PPFIA2: variants seen among roughly 807,000 people sequenced by gnomAD.
PPFIA2 encodes liprin-alpha-2.
A neutral mutation model predicts 175.5 loss-of-function variants in PPFIA2; 46 were observed. The observed-to-expected ratio is 0.26, with a 90% CI of 0.21 to 0.34. PPFIA2 has a LOEUF of 0.34. PPFIA2 is among the 10% of genes least tolerant of loss of function. The pLI, the probability that PPFIA2 is intolerant of heterozygous loss-of-function variation, is 1.00. For missense variants in PPFIA2, 1,179 were observed against 1,506.1 expected, an observed-to-expected ratio of 0.78 and a Z score of 3.60; for synonymous variants, 568 against 511.4, an observed-to-expected ratio of 1.11 and a Z score of -1.49.
At chr12:81,699,256 G>C (rs2076232109) in intron 3 of PPFIA2, among the ~76,000 whole-genome samples, 1 of 151,870 alleles carries the variant, frequency 6.6e-6, no homozygotes. Context: ...GTTTCTATAG[G>C]GGTTTAAAAG....
intron 4 of PPFIA2, among the ~76,000 whole-genome samples, chr12:81,610,312 A>G (rs1246249819): frequency 6.6e-6 from 1 of 152,194 alleles, no homozygotes. Context: ...GAGAATTTTC[A>G]TGGACTACAT....
intron 8 of PPFIA2, 81 bp downstream of exon 8, chr12:81,405,706 C>A (rs775137092): frequency 2.5e-5 from 20 of 793,226 alleles, no homozygotes; most frequent in South Asian, 3.9e-5. Context: ...AAAAAATGTT[C>A]ATTATGTGGT....
At chr12:81,671,679 C>T (rs979092063) in intron 4 of PPFIA2, among the ~76,000 whole-genome samples, 3 of 151,870 alleles carry the variant, frequency 2.0e-5, no homozygotes, top group African/African-American at 7.2e-5. Flanking sequence ...TATTCTTGCC[C>T]AGGCTTAACT....
intron 24 of PPFIA2, among the ~76,000 whole-genome samples, chr12:81,286,575 T>A (rs2043476323): frequency 6.6e-6 from 1 of 152,022 alleles, no homozygotes; most frequent in African/African-American, 2.4e-5. Context: ...TGTGCAGTAG[T>A]CTATACCATT....
At chr12:81,650,972 C>T (rs1567720551) in intron 4 of PPFIA2, among the ~76,000 whole-genome samples, 1 of 152,168 alleles carries the variant, frequency 6.6e-6, no homozygotes, top group Non-Finnish European at 1.5e-5. Context: ...AATTAGGTCA[C>T]TGGATTCAAT....
chr12:81,369,681 C>A (rs1046055326), intron 11 of PPFIA2, among the ~76,000 whole-genome samples: 4 of 151,616 alleles, frequency 2.6e-5, no homozygotes, highest in Non-Finnish European at 4.4e-5. Flanking sequence ...TGATAATCAT[C>A]AGATGAGGTA....
intron 30 of PPFIA2, among the ~76,000 whole-genome samples, chr12:81,265,868 G>C (rs889694011): frequency 1.3e-5 from 2 of 152,112 alleles, no homozygotes; most frequent in Non-Finnish European, 2.9e-5. Flanking sequence ...TGTATTTTAA[G>C]ATGTATGAGT....
intron 17 of PPFIA2, 111 bp from the exon 18 acceptor site, chr12:81,347,881 A>T: frequency 7.1e-7 from 1 of 1,400,626 alleles, no homozygotes; most frequent in South Asian, 1.5e-5. Flanking sequence ...ACTATTCTTG[A>T]ACATTTTACA....
intron 4 of PPFIA2, among the ~76,000 whole-genome samples, chr12:81,664,517 C>A (rs2069689742): frequency 6.6e-6 from 1 of 151,998 alleles, no homozygotes; most frequent in Non-Finnish European, 1.5e-5. Context: ...GAATGGTGAT[C>A]ATTAAAAAGT....
chr12:81,491,176 A>G (rs1295135300), intron 4 of PPFIA2, among the ~76,000 whole-genome samples: 1 of 149,874 alleles, frequency 6.7e-6, no homozygotes, highest in Non-Finnish European at 1.5e-5. Context: ...ATGTTTTAAG[A>G]CAGTTACCTT....
intron 4 of PPFIA2, among the ~76,000 whole-genome samples, chr12:81,652,744 G>T (rs767160800): frequency 6.6e-6 from 1 of 151,776 alleles, no homozygotes; most frequent in East Asian, 1.9e-4. Flanking sequence ...CTTTGTAGAT[G>T]GTCTCACTAT....
intron 4 of PPFIA2, among the ~76,000 whole-genome samples, chr12:81,576,841 A>G (rs1410244613): frequency 6.6e-6 from 1 of 151,470 alleles, no homozygotes; most frequent in Non-Finnish European, 1.5e-5. Context: ...TATTCCCTGT[A>G]TTTTTTTTGG....
intron 7 of PPFIA2, among the ~76,000 whole-genome samples, chr12:81,432,616 C>A (rs2048295930): frequency 6.6e-6 from 1 of 152,058 alleles, no homozygotes; most frequent in East Asian, 1.9e-4. Context: ...CAGGCACGCA[C>A]CACCATGCCC....
intron 3 of PPFIA2, among the ~76,000 whole-genome samples, chr12:81,710,277 C>T (rs2077717289): frequency 6.8e-6 from 1 of 147,514 alleles, no homozygotes. Context: ...CACCTTCCAC[C>T]CAAGACTATG....
chr12:81,476,051 A>T (rs1174650676), intron 4 of PPFIA2, among the ~76,000 whole-genome samples: 2 of 152,168 alleles, frequency 1.3e-5, no homozygotes, highest in Non-Finnish European at 2.9e-5. Context: ...TGTTGATGAT[A>T]AGTTTCTTCT....
intron 20 of PPFIA2, among the ~76,000 whole-genome samples, chr12:81,339,918 T>G (rs1247188948): frequency 2.0e-5 from 3 of 152,228 alleles, no homozygotes; most frequent in Non-Finnish European, 4.4e-5. Context: ...ATTAGAGTAC[T>G]CAAATATTAT....
chr12:81,425,654 G>A (rs779526259), intron 7 of PPFIA2, among the ~76,000 whole-genome samples: 5 of 152,158 alleles, frequency 3.3e-5, no homozygotes, highest in Non-Finnish European at 7.3e-5. Context: ...GATTACGGGC[G>A]TGAGCCACTG....
At chr12:81,609,750 TG>T (rs1390896146) in intron 4 of PPFIA2, among the ~76,000 whole-genome samples, 2 of 152,190 alleles carry the variant, frequency 1.3e-5, no homozygotes, top group Non-Finnish European at 2.9e-5. Flanking sequence ...GTCCTTTCAG[TG>T]GAACATTTAC....
At chr12:81,429,248 A>G (rs1329565671) in intron 7 of PPFIA2, among the ~76,000 whole-genome samples, 1 of 152,100 alleles carries the variant, frequency 6.6e-6, no homozygotes, top group African/African-American at 2.4e-5. Context: ...AGGAAGAGAT[A>G]GAATTTAAAA....
Sources: allele counts gnomAD v4.1 joint callset (sites outside exome capture counted in the v4.1 genomes callset), GRCh38; gene constraint gnomAD v4.1.1; transcripts MANE v1.5; gene names NCBI Gene and HGNC (gene_info 2026-07-23, HGNC 2026-07-21).